The following SNX29 variants were observed in gnomAD, a reference collection of about 807,000 sequenced individuals.
The protein encoded by SNX29 is sorting nexin 29, also known as sorting nexin-29.
A neutral mutation model predicts 102.1 loss-of-function variants in SNX29; 78 were observed. The ratio of observed to expected loss-of-function variants is 0.76; its 90% CI spans 0.64 to 0.92. The LOEUF (loss-of-function observed/expected upper bound fraction) is 0.92. SNX29 is among the 40% of genes least tolerant of loss of function. The pLI is 0.00. For missense variants in SNX29, 1,280 were observed against 1,061.7 expected (o/e 1.21, Z -2.86); for synonymous variants, 580 against 414.5 (o/e 1.40, Z -4.85).
At chr16:12,197,269 C>G (rs2076800046) in intron 13 of SNX29, among the ~76,000 whole-genome samples, 1 of 152,032 alleles carries the variant, frequency 6.6e-6, no homozygotes, top group Non-Finnish European at 1.5e-5. Context: ...TAAAGGAATC[C>G]TAGAAAACAT....
intron 20 of SNX29, among the ~76,000 whole-genome samples, chr16:12,550,644 C>A (rs1346385675): frequency 6.6e-6 from 1 of 152,002 alleles, no homozygotes; most frequent in African/African-American, 2.4e-5. Context: ...TAAAAAGTAA[C>A]CGTCACTTAG....
chr16:12,130,953 AC>A (rs762877177), intron 13 of SNX29, among the ~76,000 whole-genome samples: 23 of 152,020 alleles, frequency 1.5e-4, no homozygotes, highest in Non-Finnish European at 2.1e-4. Context: ...TAATAATGCC[AC>A]AGTGAACAAC....
intron 11 of SNX29, among the ~76,000 whole-genome samples, chr16:12,122,994 T>C (rs1023905287): frequency 6.6e-6 from 1 of 152,004 alleles, no homozygotes; most frequent in African/African-American, 2.4e-5. Flanking sequence ...ACCCAGCTAA[T>C]TTTTGTATTT....
chr16:12,496,282 A>G (rs961398108), intron 19 of SNX29, among the ~76,000 whole-genome samples: 1 of 152,208 alleles, frequency 6.6e-6, no homozygotes, highest in African/African-American at 2.4e-5. Flanking sequence ...CACCCAAGTC[A>G]GGGGTTGTGT....
At chr16:12,242,479 C>A (rs2078136272) in intron 14 of SNX29, among the ~76,000 whole-genome samples, 1 of 150,814 alleles carries the variant, frequency 6.6e-6, no homozygotes, top group Non-Finnish European at 1.5e-5. Context: ...CCATCTCTGT[C>A]TGTGAGTGGT....
At chr16:12,358,414 A>G (rs1285143241) in intron 16 of SNX29, among the ~76,000 whole-genome samples, 4 of 152,190 alleles carry the variant, frequency 2.6e-5, no homozygotes, top group African/African-American at 9.7e-5. Flanking sequence ...TACTAAAAAT[A>G]CAAAAATTAG....
At chr16:12,214,394 C>G (rs1273571135) in intron 14 of SNX29, among the ~76,000 whole-genome samples, 1 of 152,184 alleles carries the variant, frequency 6.6e-6, no homozygotes, top group East Asian at 1.9e-4. Flanking sequence ...CTTTTGTTTT[C>G]AACTGCTTTC....
chr16:12,371,076 G>A (rs368461906), intron 16 of SNX29, among the ~76,000 whole-genome samples: 2 of 152,224 alleles, frequency 1.3e-5, no homozygotes, highest in Non-Finnish European at 2.9e-5. Context: ...GTTGATCAGA[G>A]TTCAGATGGT....
At chr16:12,321,427 A>G (rs949230604) in intron 15 of SNX29, among the ~76,000 whole-genome samples, 2 of 152,206 alleles carry the variant, frequency 1.3e-5, no homozygotes, top group Admixed American at 1.3e-4. Context: ...AATCACAGTG[A>G]TTCCCAGGCC....
intron 14 of SNX29, among the ~76,000 whole-genome samples, chr16:12,268,166 TA>T (rs1167112253): frequency 6.6e-6 from 1 of 152,214 alleles, no homozygotes; most frequent in Admixed American, 6.5e-5. Context: ...TCTCACACTT[TA>T]ACTTCCTCTA....
intron 5 of SNX29, 52 bp downstream of exon 5, chr16:12,043,129 T>C (rs2049953503): frequency 6.3e-7 from 1 of 1,598,322 alleles, no homozygotes; most frequent in Non-Finnish European, 8.5e-7. Context: ...GGTGAAGATC[T>C]TGGAGTCTGG....
rs535314911 is a variant in SNX29, at chr16:12,202,712, A to T, written c.1678+3029A>T. ...GAGGCGATCCTCCTCCTCTCCTTTCACTTACGAGAGCAGGAGATCCCTCTG... is the reference window on the plus strand; with the variant it reads ...GAGGCGATCCTCCTCCTCTCCTTTCTCTTACGAGAGCAGGAGATCCCTCTG... On this transcript the variant is annotated intron_variant, in intron 14 of 20. Transcript: ENST00000566228. Among the ~76,000 whole-genome samples, 3 of 152,330 alleles carry T rather than the reference A, an allele frequency of 2.0e-5. No individual in the cohort carries two copies. The South Asian group carries it at 6.2e-4, about 32-fold the overall frequency.
intron 20 of SNX29, among the ~76,000 whole-genome samples, chr16:12,525,889 G>T (rs1758401599): frequency 6.6e-6 from 1 of 152,116 alleles, no homozygotes; most frequent in Admixed American, 6.5e-5. Flanking sequence ...GGAAACGTCA[G>T]GCTGTCCTTT....
chr16:12,187,831 T>G (rs1444285127), intron 13 of SNX29, among the ~76,000 whole-genome samples: 1 of 152,124 alleles, frequency 6.6e-6, no homozygotes, highest in Non-Finnish European at 1.5e-5. Flanking sequence ...GAAGCCCAGT[T>G]GAGTCCATGA....
intron 16 of SNX29, among the ~76,000 whole-genome samples, chr16:12,376,945 T>C (rs2082897335): frequency 1.3e-5 from 2 of 152,152 alleles, no homozygotes; most frequent in African/African-American, 4.8e-5. Flanking sequence ...CTGTGAATTT[T>C]ACTCTGTCTT....
At chr16:12,548,655 C>G (rs576534347) in intron 20 of SNX29, among the ~76,000 whole-genome samples, 8 of 152,298 alleles carry the variant, frequency 5.3e-5, no homozygotes, top group African/African-American at 1.9e-4. Context: ...CATTTGGTGT[C>G]AACTCAGCAA....
intron 13 of SNX29, among the ~76,000 whole-genome samples, chr16:12,136,481 A>T (rs1481920549): frequency 6.6e-6 from 1 of 152,072 alleles, no homozygotes; most frequent in Non-Finnish European, 1.5e-5. Flanking sequence ...TCACCAGGGG[A>T]TTTTTTTCTT....
At chr16:12,541,771 G>A (rs144661939) in intron 20 of SNX29, among the ~76,000 whole-genome samples, 153 of 152,164 alleles carry the variant, frequency 1.0e-3, no homozygotes, top group Admixed American at 3.1e-3. Context: ...ACTGACCTGC[G>A]TTTCCAACCC....
Position 12,062,047 on chromosome 16 carries a change from C to T in SNX29, c.1243+401C>T, listed in dbSNP as rs192191164. Among the ~76,000 whole-genome samples the T allele has an allele frequency of 1.4e-3, 208 of 152,252 alleles. 1 individual carries two copies. The highest frequency in any genetic ancestry group is 7.0e-3 in the South Asian group (34 of 4,824). ...TCTGTAAAGGCCCTGCCACCCTGTG[C>T]AGAAAAGTGCTTGGGGATCAGGAAG... On this transcript the variant is annotated intron_variant, in intron 9 of 20. Coordinates refer to ENST00000566228, the MANE Select transcript of SNX29 (RefSeq NM_032167.5).
Sources: allele counts gnomAD v4.1 joint callset (sites outside exome capture counted in the v4.1 genomes callset), GRCh38; gene constraint gnomAD v4.1.1; transcripts MANE v1.5; gene names NCBI Gene and HGNC (gene_info 2026-07-23, HGNC 2026-07-21).